Variants in DYM observed in about 807,000 individuals in gnomAD.
DYM encodes the protein dyggve-Melchior-Clausen syndrome protein.
DYM carries 78 observed loss-of-function variants against 93.1 expected under a neutral mutation model. That is an observed-to-expected ratio of 0.84 (90% CI 0.70 to 1.01). The LOEUF is 1.01. Ranked by LOEUF, DYM falls within the 50% of genes least tolerant of loss-of-function variation. The pLI, the probability that DYM is intolerant of heterozygous loss-of-function variation, is 0.00. For synonymous variants in DYM, 321 were observed against 319.7 expected, an observed-to-expected ratio of 1.00 and a Z score of -0.04; for missense variants, 789 against 845.0, an observed-to-expected ratio of 0.93 and a Z score of 0.82.
intron 6 of DYM, among the ~76,000 whole-genome samples, chr18:49,336,019 G>T (rs1160267339): frequency 1.3e-5 from 2 of 152,106 alleles, no homozygotes; most frequent in African/African-American, 2.4e-5. Context: ...TTACCATGTT[G>T]CCCAGGCTGA....
At chr18:49,332,155 A>G in intron 7 of DYM, 149 bp from the exon 8 acceptor site, 3 of 798,882 alleles carry the variant, frequency 3.8e-6, no homozygotes, top group Non-Finnish European at 6.0e-6. Context: ...ACTGCACACA[A>G]CAGTGAAGAC....
At chr18:49,281,953 T>C (rs1008486461) in intron 10 of DYM, 44 bp downstream of exon 10, 5 of 1,555,752 alleles carry the variant, frequency 3.2e-6, no homozygotes, top group East Asian at 4.6e-5. Flanking sequence ...AAAGTATAAT[T>C]AAAAAAAAAT....
chr18:49,426,911 G>A (rs1434510038), intron 2 of DYM, among the ~76,000 whole-genome samples: 2 of 152,002 alleles, frequency 1.3e-5, no homozygotes, highest in Non-Finnish European at 2.9e-5. Context: ...GAAAAAAACT[G>A]AAGTGCTTAC....
At chr18:49,287,528 G>A (rs752704837) in intron 8 of DYM, among the ~76,000 whole-genome samples, 16 of 151,674 alleles carry the variant, frequency 1.1e-4, no homozygotes, top group Non-Finnish European at 1.8e-4. Flanking sequence ...AAGAAAAAAA[G>A]ACCAAAAAAA....
intron 15 of DYM, among the ~76,000 whole-genome samples, chr18:49,130,080 A>G (rs2083239345): frequency 6.6e-6 from 1 of 152,186 alleles, no homozygotes; most frequent in African/African-American, 2.4e-5. Flanking sequence ...TGGAGAAGGG[A>G]CAGGAATGCA....
chr18:49,149,942 C>T lies in DYM; in HGVS notation c.1728+13743G>A, dbSNP rs183513887. Reference sequence around the variant, plus strand: ...CAGGATGGTCTCGATCTCTTGACTTCGTGATCTGCCTGCCTTGGTCTCCCA... The same window carrying T: ...CAGGATGGTCTCGATCTCTTGACTTTGTGATCTGCCTGCCTTGGTCTCCCA... On this transcript the variant is annotated intron_variant, in intron 15 of 17. Coordinates refer to ENST00000675505, the MANE Select transcript of DYM (RefSeq NM_001353214.3). Among the ~76,000 whole-genome samples, 781 of 152,178 alleles carry T rather than the reference C, an allele frequency of 5.1e-3. 23 individuals carry two copies. The South Asian group carries it at 0.074, about 14-fold the overall frequency.
intron 11 of DYM, among the ~76,000 whole-genome samples, chr18:49,262,690 C>T (rs2094508574): frequency 6.6e-6 from 1 of 152,140 alleles, no homozygotes; most frequent in Admixed American, 6.5e-5. Flanking sequence ...AGGTAATATA[C>T]AGCAGAGAAC....
intron 6 of DYM, among the ~76,000 whole-genome samples, chr18:49,351,129 A>G (rs2065085693): frequency 6.6e-6 from 1 of 152,154 alleles, no homozygotes; most frequent in Non-Finnish European, 1.5e-5. Flanking sequence ...AGACTTAAAA[A>G]AAGAGGGAAG....
intron 13 of DYM, among the ~76,000 whole-genome samples, chr18:49,212,001 A>T (rs1352042081): frequency 1.3e-5 from 2 of 152,232 alleles, no homozygotes; most frequent in African/African-American, 4.8e-5. Context: ...TAACATTAAC[A>T]TCAGTAATGG....
chr18:49,366,978 C>A (rs891465558), intron 5 of DYM, among the ~76,000 whole-genome samples: 2 of 151,978 alleles, frequency 1.3e-5, no homozygotes, highest in African/African-American at 2.4e-5. Flanking sequence ...AGGAAAATAT[C>A]CTTTAAATTA....
chr18:49,174,114 A>G (rs930618402), intron 14 of DYM, among the ~76,000 whole-genome samples: 3 of 152,114 alleles, frequency 2.0e-5, no homozygotes, highest in Non-Finnish European at 4.4e-5. Context: ...TGAGATGATC[A>G]TATAGTTTTC....
chr18:49,384,879 G>C lies in DYM; in HGVS notation c.194-5121C>G, dbSNP rs532869077. Among the ~76,000 whole-genome samples, 140 of 151,080 alleles carry C rather than the reference G, an allele frequency of 9.3e-4. No homozygotes were observed. The South Asian group carries it at 0.017, about 18-fold the overall frequency. ...GAACATTACAGGTGATCAAGAGGTA[G>C]GGAGAAGAAACTAAAACACAAAATC... On this transcript the variant is annotated intron_variant, in intron 3 of 17. Transcript: ENST00000675505.
At chr18:49,436,785 T>C (rs2080896458) in intron 1 of DYM, among the ~76,000 whole-genome samples, 1 of 152,210 alleles carries the variant, frequency 6.6e-6, no homozygotes, top group Non-Finnish European at 1.5e-5. Flanking sequence ...TCAATTTTCC[T>C]TCTCTGTGCT....
At chr18:49,416,904 T>G (rs942664277) in intron 2 of DYM, among the ~76,000 whole-genome samples, 2 of 152,122 alleles carry the variant, frequency 1.3e-5, no homozygotes, top group African/African-American at 4.8e-5. Flanking sequence ...GTTCAGCCTT[T>G]CATAGTTAGA....
chr18:49,194,272 C>T (rs899596531), intron 14 of DYM, among the ~76,000 whole-genome samples: 1 of 152,204 alleles, frequency 6.6e-6, no homozygotes. Context: ...ATAGTTTAAA[C>T]TGCACGAGAA....
intron 1 of DYM, 41 bp from the exon 2 acceptor site, chr18:49,430,488 G>C: frequency 6.8e-7 from 1 of 1,472,668 alleles, no homozygotes. Context: ...TTGTTCAAAA[G>C]TCATCATGCT....
intron 16 of DYM, among the ~76,000 whole-genome samples, chr18:49,103,944 T>C (rs2080479572): frequency 1.3e-5 from 2 of 152,036 alleles, no homozygotes. Context: ...TCCAATTCTG[T>C]GAAGAAGGTC....
At chr18:49,213,930 C>T (rs1431559396) in intron 13 of DYM, among the ~76,000 whole-genome samples, 1 of 152,128 alleles carries the variant, frequency 6.6e-6, no homozygotes, top group East Asian at 1.9e-4. Flanking sequence ...GAAGGGAAGA[C>T]AAAATATTAA....
chr18:49,405,212 A>AT (rs957986478), intron 2 of DYM, among the ~76,000 whole-genome samples: 2 of 151,970 alleles, frequency 1.3e-5, no homozygotes, highest in Admixed American at 6.6e-5. Context: ...TACTCTGTTG[A>AT]TTTTTTATTT....
Sources: allele counts gnomAD v4.1 joint callset (sites outside exome capture counted in the v4.1 genomes callset), GRCh38; gene constraint gnomAD v4.1.1; transcripts MANE v1.5; gene names NCBI Gene and HGNC (gene_info 2026-07-23, HGNC 2026-07-21).